Variants in RORA observed in about 807,000 individuals in gnomAD.
The protein encoded by RORA is nuclear receptor ROR-alpha.
A neutral mutation model predicts 69.5 loss-of-function variants in RORA; 7 were observed. That is an observed-to-expected ratio of 0.10 (90% CI 0.06 to 0.19). The LOEUF is 0.19. RORA is among the 10% of genes least tolerant of loss of function. The pLI, the probability that RORA is intolerant of heterozygous loss-of-function variation, is 1.00. For missense variants in RORA, 457 were observed against 663.0 expected, an observed-to-expected ratio of 0.69 and a Z score of 3.41; for synonymous variants, 261 against 240.8, an observed-to-expected ratio of 1.08 and a Z score of -0.78.
intron 1 of RORA, among the ~76,000 whole-genome samples, chr15:60,984,529 A>G (rs917966835): frequency 6.6e-6 from 1 of 152,020 alleles, no homozygotes; most frequent in Non-Finnish European, 1.5e-5. Context: ...AATACACACT[A>G]TCTAATGTCT....
intron 1 of RORA, among the ~76,000 whole-genome samples, chr15:61,137,630 C>A (rs938873574): frequency 9.2e-5 from 14 of 152,228 alleles, no homozygotes; most frequent in African/African-American, 3.4e-4. Context: ...GCCACAAACA[C>A]ACCTCCTCTT....
intron 1 of RORA, among the ~76,000 whole-genome samples, chr15:60,900,739 G>A (rs921082249): frequency 1.3e-5 from 2 of 152,060 alleles, no homozygotes; most frequent in South Asian, 4.2e-4. Context: ...GGGAGTGGTG[G>A]TGTGCGCCTG....
intron 1 of RORA, among the ~76,000 whole-genome samples, chr15:60,733,000 T>G (rs892958736): frequency 6.6e-6 from 1 of 152,200 alleles, no homozygotes; most frequent in African/African-American, 2.4e-5. Context: ...CATTAGGCCT[T>G]GGGGACCGTG....
chr15:60,543,978 G>C (rs1456023901), intron 2 of RORA, among the ~76,000 whole-genome samples: 1 of 152,162 alleles, frequency 6.6e-6, no homozygotes, highest in Non-Finnish European at 1.5e-5. Context: ...CCCACAGTGA[G>C]GCTGGCATCT....
At chr15:60,581,648 C>T (rs866504097) in intron 2 of RORA, among the ~76,000 whole-genome samples, 6 of 152,180 alleles carry the variant, frequency 3.9e-5, no homozygotes, top group Admixed American at 6.5e-5. Flanking sequence ...ACTCCTTTAT[C>T]GCTTCTGAAA....
chr15:60,805,654 A>C lies in RORA; in HGVS notation c.167-126968T>G, dbSNP rs377350309. On this transcript the variant is annotated intron_variant, in intron 1 of 10. Transcript: ENST00000335670. ...ATGTTAGCTGATAATATATTGTATC[A>C]TTGATATAGGATTACATGGTAGGTC... Among the ~76,000 whole-genome samples, 3 of 152,320 alleles carry C rather than the reference A, an allele frequency of 2.0e-5. No individual in the cohort carries two copies. The South Asian group carries it at 6.2e-4, about 32-fold the overall frequency.
chr15:61,077,848 C>T (rs926465214), intron 1 of RORA, among the ~76,000 whole-genome samples: 2 of 152,148 alleles, frequency 1.3e-5, no homozygotes, highest in African/African-American at 2.4e-5. Context: ...CATTTCTGTA[C>T]CCTCACATGC....
chr15:60,966,137 C>T (rs1893548445), intron 1 of RORA, among the ~76,000 whole-genome samples: 1 of 152,128 alleles, frequency 6.6e-6, no homozygotes, highest in Admixed American at 6.6e-5. Context: ...CATCTTCTCC[C>T]TCTTTCTTCA....
intron 2 of RORA, among the ~76,000 whole-genome samples, chr15:60,642,911 AT>A (rs1461467980): frequency 6.6e-6 from 1 of 151,892 alleles, no homozygotes; most frequent in Non-Finnish European, 1.5e-5. Context: ...GGTGGCAGCC[AT>A]TTGGGAGGTT....
intron 3 of RORA, among the ~76,000 whole-genome samples, chr15:60,527,248 T>C (rs1341045929): frequency 6.6e-6 from 1 of 152,250 alleles, no homozygotes; most frequent in Non-Finnish European, 1.5e-5. Flanking sequence ...TTAAAAAATG[T>C]ATGTGTGTCT....
chr15:60,592,951 T>C (rs2068581285), intron 2 of RORA: 1 of 455,152 alleles, frequency 2.2e-6, no homozygotes. Flanking sequence ...GGGCGATAAA[T>C]GCGCCAGCTC....
intron 1 of RORA, among the ~76,000 whole-genome samples, chr15:60,806,988 C>A (rs2072668302): frequency 6.6e-6 from 1 of 151,510 alleles, no homozygotes; most frequent in Non-Finnish European, 1.5e-5. Context: ...AGCATTCCCC[C>A]TGAGAACTGA....
chr15:61,184,395 C>T (rs1056209562), intron 1 of RORA, among the ~76,000 whole-genome samples: 1 of 152,076 alleles, frequency 6.6e-6, no homozygotes, highest in Non-Finnish European at 1.5e-5. Flanking sequence ...CCCCAGACAC[C>T]CCTCAATTTC....
intron 1 of RORA, among the ~76,000 whole-genome samples, chr15:60,762,451 A>T (rs2071908773): frequency 6.6e-6 from 1 of 152,204 alleles, no homozygotes; most frequent in Non-Finnish European, 1.5e-5. Context: ...GCCTTGCCCC[A>T]TCTATGGTGA....
At chr15:60,646,843 G>C (rs2070055460) in intron 2 of RORA, among the ~76,000 whole-genome samples, 1 of 152,326 alleles carries the variant, frequency 6.6e-6, no homozygotes, top group South Asian at 2.1e-4. Context: ...CATAGCTCCT[G>C]TGGGACTCCG....
At chr15:60,826,725 G>T (rs1595746172) in intron 1 of RORA, among the ~76,000 whole-genome samples, 1 of 147,424 alleles carries the variant, frequency 6.8e-6, no homozygotes, top group East Asian at 2.0e-4. Flanking sequence ...CTGGCCTGGG[G>T]ACATTATTCT....
intron 5 of RORA, among the ~76,000 whole-genome samples, chr15:60,509,850 T>G (rs1001377413): frequency 1.3e-5 from 2 of 152,014 alleles, no homozygotes; most frequent in African/African-American, 4.8e-5. Context: ...GTTCAGAGGT[T>G]TCTCTGTTAA....
intron 1 of RORA, among the ~76,000 whole-genome samples, chr15:60,738,300 G>T (rs2071529180): frequency 6.6e-6 from 1 of 152,234 alleles, no homozygotes; most frequent in East Asian, 1.9e-4. Flanking sequence ...GAAAGGAGGA[G>T]CATCAGCAAA....
chr15:60,860,687 G>A (rs536875273), intron 1 of RORA, among the ~76,000 whole-genome samples: 8 of 152,328 alleles, frequency 5.3e-5, no homozygotes, highest in Admixed American at 3.9e-4. Context: ...CACTAAACAA[G>A]TAACAGTCAT....
Sources: gnomAD v4.1 joint callset for allele counts (sites outside exome capture counted in the v4.1 genomes callset) on GRCh38, gnomAD v4.1.1 for gene constraint, MANE v1.5 for transcripts, NCBI Gene and HGNC (gene_info 2026-07-23, HGNC 2026-07-21) for gene names.